The following UVRAG variants were observed in gnomAD, a reference collection of about 807,000 sequenced individuals.
UVRAG encodes the protein UV radiation resistance-associated gene protein.
A neutral mutation model predicts 78.0 loss-of-function variants in UVRAG; 19 were observed. That is an observed-to-expected ratio of 0.24 (90% CI 0.17 to 0.36). The LOEUF is 0.36. UVRAG is among the 10% of genes least tolerant of loss of function. The probability of loss-of-function intolerance (pLI) is 1.00; values close to 1 mark genes in which losing one functional copy is unlikely to be tolerated. For synonymous variants in UVRAG, 323 were observed against 324.6 expected (o/e 1.00, Z 0.05); for missense variants, 740 against 853.8 (o/e 0.87, Z 1.66).
chr11:75,952,371 A>G (rs1432731202), intron 6 of UVRAG, among the ~76,000 whole-genome samples: 1 of 151,674 alleles, frequency 6.6e-6, no homozygotes, highest in Non-Finnish European at 1.5e-5. Flanking sequence ...TAAGTATAGG[A>G]TTAGCTGTAG....
At chr11:75,853,961 CAG>C (rs1946223823) in intron 2 of UVRAG, among the ~76,000 whole-genome samples, 1 of 150,118 alleles carries the variant, frequency 6.7e-6, no homozygotes, top group Admixed American at 6.6e-5. Flanking sequence ...TTAGTAGAGA[CAG>C]GGTTTCGTCA....
At chr11:76,035,398 T>C (rs1174340682) in intron 12 of UVRAG, among the ~76,000 whole-genome samples, 1 of 152,192 alleles carries the variant, frequency 6.6e-6, no homozygotes, top group African/African-American at 2.4e-5. Context: ...TAGTATTCCT[T>C]TCTAAGATGA....
intron 13 of UVRAG, among the ~76,000 whole-genome samples, chr11:76,083,613 G>A (rs1951536928): frequency 6.6e-6 from 1 of 152,112 alleles, no homozygotes; most frequent in African/African-American, 2.4e-5. Context: ...TAATTGTGGT[G>A]GTCACTCTAT....
chr11:75,959,161 CA>C (rs1948863160), intron 6 of UVRAG, among the ~76,000 whole-genome samples: 2 of 152,170 alleles, frequency 1.3e-5, no homozygotes, highest in Non-Finnish European at 2.9e-5. Context: ...AACTTAAAAT[CA>C]GCAGCTGCAT....
At chr11:76,120,637 G>A (rs149013268) in intron 14 of UVRAG, among the ~76,000 whole-genome samples, 2 of 152,170 alleles carry the variant, frequency 1.3e-5, no homozygotes, top group Admixed American at 1.3e-4. Flanking sequence ...TTAACACTGA[G>A]TGAACAGGAA....
chr11:75,819,428 A>G (rs935710582), intron 1 of UVRAG, among the ~76,000 whole-genome samples: 2 of 151,996 alleles, frequency 1.3e-5, no homozygotes, highest in Non-Finnish European at 2.9e-5. Flanking sequence ...TCTCACTGCA[A>G]CCTGCCCCTC....
chr11:76,039,594 G>A (rs1261036479), intron 12 of UVRAG, among the ~76,000 whole-genome samples: 2 of 152,222 alleles, frequency 1.3e-5, no homozygotes, highest in African/African-American at 2.4e-5. Flanking sequence ...AAAGGGTGAG[G>A]CCAGGCGCAG....
intron 3 of UVRAG, among the ~76,000 whole-genome samples, chr11:75,873,578 G>T (rs1373779980): frequency 1.3e-5 from 2 of 152,088 alleles, no homozygotes; most frequent in Non-Finnish European, 2.9e-5. Flanking sequence ...CAGGGAGGGG[G>T]TCCCACCAGA....
At chr11:75,904,149 C>T (rs1435555807) in intron 5 of UVRAG, among the ~76,000 whole-genome samples, 2 of 152,084 alleles carry the variant, frequency 1.3e-5, no homozygotes, top group African/African-American at 4.8e-5. Flanking sequence ...ACTATGTGGC[C>T]CTTTATGGAA....
Position 75,826,863 on chromosome 11 carries a change from T to C in UVRAG, c.117+11339T>C, listed in dbSNP as rs567784419. Among the ~76,000 whole-genome samples, 12 of 152,278 alleles carry C rather than the reference T, an allele frequency of 7.9e-5. No individual in the cohort carries two copies. The South Asian group carries it at 2.5e-3, about 32-fold the overall frequency. On this transcript the variant is annotated intron_variant, in intron 1 of 14. Transcript: ENST00000356136. ...GTAATGTTATTAGGCATTTTACTTA[T>C]CCATTCTTTGTGAAAACTCCAGTAT...
At chr11:76,122,536 A>G (rs2134480312) in intron 14 of UVRAG, among the ~76,000 whole-genome samples, 1 of 152,336 alleles carries the variant, frequency 6.6e-6, no homozygotes, top group East Asian at 1.9e-4. Flanking sequence ...AGTAATAAAT[A>G]AGCGGTAGCT....
intron 1 of UVRAG, among the ~76,000 whole-genome samples, chr11:75,830,618 G>T (rs1416954048): frequency 6.6e-6 from 1 of 152,120 alleles, no homozygotes; most frequent in Non-Finnish European, 1.5e-5. Context: ...TTATAAGGCT[G>T]GTCCTGGGTA....
chr11:75,877,096 T>A (rs1946802323), intron 3 of UVRAG, among the ~76,000 whole-genome samples: 2 of 151,464 alleles, frequency 1.3e-5, no homozygotes. Context: ...AAAGCACATC[T>A]TGCACCGCCC....
At chr11:76,024,512 G>A (rs1950296794) in intron 12 of UVRAG, among the ~76,000 whole-genome samples, 1 of 151,872 alleles carries the variant, frequency 6.6e-6, no homozygotes, top group South Asian at 2.1e-4. Flanking sequence ...ATACATTTTG[G>A]GCATTTTAAT....
chr11:76,021,291 A>T (rs1438452249), intron 12 of UVRAG, among the ~76,000 whole-genome samples: 2 of 152,218 alleles, frequency 1.3e-5, no homozygotes, highest in East Asian at 1.9e-4. Context: ...CGGTGAAAGC[A>T]TCTATTCAGC....
intron 6 of UVRAG, among the ~76,000 whole-genome samples, chr11:75,913,846 G>A (rs1305475699): frequency 1.3e-5 from 2 of 152,188 alleles, no homozygotes; most frequent in Non-Finnish European, 2.9e-5. Flanking sequence ...AAAGTCATCA[G>A]GCTAATTTAG....
intron 13 of UVRAG, among the ~76,000 whole-genome samples, chr11:76,075,844 T>C (rs1428445793): frequency 6.6e-6 from 1 of 152,220 alleles, no homozygotes; most frequent in African/African-American, 2.4e-5. Flanking sequence ...TCATAAAATA[T>C]GTGGTCTTCT....
chr11:76,086,715 A>G (rs1951594761), intron 13 of UVRAG, among the ~76,000 whole-genome samples: 2 of 152,242 alleles, frequency 1.3e-5, no homozygotes, highest in Non-Finnish European at 2.9e-5. Context: ...ACTTAACAAA[A>G]TCTAGACAGA....
At chr11:76,084,288 A>G (rs1396661195) in intron 13 of UVRAG, among the ~76,000 whole-genome samples, 1 of 152,236 alleles carries the variant, frequency 6.6e-6, no homozygotes, top group Non-Finnish European at 1.5e-5. Flanking sequence ...AATGCACTTT[A>G]CATCTTCCAT....
Sources: gnomAD v4.1 joint callset for allele counts (sites outside exome capture counted in the v4.1 genomes callset) on GRCh38, gnomAD v4.1.1 for gene constraint, MANE v1.5 for transcripts, NCBI Gene and HGNC (gene_info 2026-07-23, HGNC 2026-07-21) for gene names.